Variants in SYN2 observed in about 807,000 individuals in gnomAD.
SYN2 encodes synapsin II, also known as synapsin-2.
Under a neutral mutation model 50.9 loss-of-function variants are expected in SYN2, and 19 were observed. That is an observed-to-expected ratio of 0.37 (90% CI 0.26 to 0.55). The LOEUF is 0.55. Ranked by LOEUF, SYN2 falls within the 20% of genes least tolerant of loss-of-function variation. SYN2 has a pLI of 0.81. For synonymous variants in SYN2, 255 were observed against 224.9 expected (o/e 1.13, Z -1.20); for missense variants, 587 against 576.4 (o/e 1.02, Z -0.19).
intron 5 of SYN2, chr3:12,154,296 C>T (rs34088754): frequency 1.2e-6 from 2 of 1,614,074 alleles, no homozygotes; most frequent in Non-Finnish European, 1.7e-6. Flanking sequence ...TCCCCCATCC[C>T]TAAAGACTTT....
chr3:12,014,286 A>G (rs1693975560), intron 1 of SYN2, among the ~76,000 whole-genome samples: 1 of 152,226 alleles, frequency 6.6e-6, no homozygotes, highest in African/African-American at 2.4e-5. Context: ...AAGAGAGTCA[A>G]AGGATGAGAT....
chr3:12,052,197 A>G (rs1313250866), intron 1 of SYN2, among the ~76,000 whole-genome samples: 3 of 152,226 alleles, frequency 2.0e-5, no homozygotes, highest in Admixed American at 2.0e-4. Flanking sequence ...ATATCATTTT[A>G]AAAGTCTCAC....
At chr3:12,012,145 A>G (rs1427564508) in intron 1 of SYN2, among the ~76,000 whole-genome samples, 1 of 152,006 alleles carries the variant, frequency 6.6e-6, no homozygotes, top group Non-Finnish European at 1.5e-5. Flanking sequence ...GTGTTTTTCA[A>G]AAGGCAATAT....
At chr3:12,176,618 C>T (rs557955047) in intron 10 of SYN2, among the ~76,000 whole-genome samples, 1 of 152,306 alleles carries the variant, frequency 6.6e-6, no homozygotes, top group East Asian at 1.9e-4. Flanking sequence ...TGAAATGTTT[C>T]CAGTCTGAGG....
At chr3:12,182,810 C>A (rs1036917798) in intron 10 of SYN2, among the ~76,000 whole-genome samples, 1 of 152,212 alleles carries the variant, frequency 6.6e-6, no homozygotes, top group Non-Finnish European at 1.5e-5. Context: ...TCCGGCTGGG[C>A]GCAGGCATGC....
intron 1 of SYN2, among the ~76,000 whole-genome samples, chr3:12,104,827 C>T (rs1455068249): frequency 5.3e-5 from 8 of 151,888 alleles, no homozygotes; most frequent in Non-Finnish European, 8.8e-5. Flanking sequence ...CCTTGGCCTC[C>T]GAAAGTGCTG....
intron 1 of SYN2, among the ~76,000 whole-genome samples, chr3:12,081,183 A>G (rs574657726): frequency 2.6e-5 from 4 of 152,320 alleles, no homozygotes; most frequent in African/African-American, 7.2e-5. Flanking sequence ...TCATTGAATA[A>G]ACAAGTGAAA....
At chr3:12,032,911 C>G (rs1694410137) in intron 1 of SYN2, among the ~76,000 whole-genome samples, 2 of 104,446 alleles carry the variant, frequency 1.9e-5, no homozygotes, top group Admixed American at 1.1e-4. Context: ...CAGCTTTGTT[C>G]CGTTGCTGGT....
chr3:12,103,060 A>G (rs1241122244), intron 1 of SYN2, among the ~76,000 whole-genome samples: 1 of 152,124 alleles, frequency 6.6e-6, no homozygotes, highest in Non-Finnish European at 1.5e-5. Flanking sequence ...CTCCACAGCA[A>G]CCCTCTAAGA....
intron 1 of SYN2, chr3:12,070,900 G>A: frequency 1.8e-6 from 1 of 563,342 alleles, no homozygotes; most frequent in East Asian, 4.6e-5. Flanking sequence ...TGTTGCCCTG[G>A]ACTTCGAACA....
chr3:12,025,966 T>C (rs961024915), intron 1 of SYN2, among the ~76,000 whole-genome samples: 4 of 152,300 alleles, frequency 2.6e-5, no homozygotes, highest in East Asian at 1.9e-4. Flanking sequence ...TTCATGTAGC[T>C]TTTTTCCCCC....
chr3:12,071,483 GA>G, intron 1 of SYN2: 1 of 434,432 alleles, frequency 2.3e-6, no homozygotes, highest in Non-Finnish European at 4.7e-6. Context: ...CCTTCAAAAA[GA>G]AATTGTCCTT....
At chr3:12,120,358 A>G (rs955443842) in intron 1 of SYN2, among the ~76,000 whole-genome samples, 16 of 151,988 alleles carry the variant, frequency 1.1e-4, no homozygotes, top group Non-Finnish European at 2.1e-4. Context: ...ATTGCCCTTG[A>G]TGAGATCTGA....
chr3:12,013,167 C>T (rs1693952207), intron 1 of SYN2, among the ~76,000 whole-genome samples: 1 of 152,186 alleles, frequency 6.6e-6, no homozygotes, highest in African/African-American at 2.4e-5. Context: ...CAAGATCTTG[C>T]TATGTTGCCT....
chr3:12,019,297 G>A (rs969587205), intron 1 of SYN2, among the ~76,000 whole-genome samples: 8 of 152,164 alleles, frequency 5.3e-5, no homozygotes, highest in African/African-American at 1.9e-4. Flanking sequence ...CTATTTCCTA[G>A]CCCTTAGTAT....
intron 1 of SYN2, among the ~76,000 whole-genome samples, chr3:12,043,469 TA>T (rs1037910574): frequency 6.6e-6 from 1 of 152,242 alleles, no homozygotes; most frequent in Non-Finnish European, 1.5e-5. Context: ...CGGTATATTT[TA>T]GGCACTTTAA....
At chr3:12,079,294 T>G (rs1384641874) in intron 1 of SYN2, among the ~76,000 whole-genome samples, 1 of 152,204 alleles carries the variant, frequency 6.6e-6, no homozygotes, top group Non-Finnish European at 1.5e-5. Flanking sequence ...TATCCTTTTT[T>G]CTTTCTCTTG....
At chr3:12,014,755 AT>A (rs1693986317) in intron 1 of SYN2, among the ~76,000 whole-genome samples, 1 of 152,084 alleles carries the variant, frequency 6.6e-6, no homozygotes, top group African/African-American at 2.4e-5. Flanking sequence ...CTATACCTTT[AT>A]GAGTTTTGTG....
At chr3:12,138,089 TC>T (rs1381945929) in intron 1 of SYN2, among the ~76,000 whole-genome samples, 1 of 152,190 alleles carries the variant, frequency 6.6e-6, no homozygotes, top group Non-Finnish European at 1.5e-5. Context: ...AAGACTTCTA[TC>T]ATTTGCTAGC....
Sources: allele counts gnomAD v4.1 joint callset (sites outside exome capture counted in the v4.1 genomes callset), GRCh38; gene constraint gnomAD v4.1.1; transcripts MANE v1.5; gene names NCBI Gene and HGNC (gene_info 2026-07-23, HGNC 2026-07-21).